The following FGD1 variants were observed in gnomAD, a reference collection of about 807,000 sequenced individuals.
The protein encoded by FGD1 is FYVE, RhoGEF and PH domain-containing protein 1.
FGD1 carries 12 observed loss-of-function variants against 65.0 expected under a neutral mutation model. The ratio of observed to expected loss-of-function variants is 0.18; its 90% CI spans 0.12 to 0.30. The LOEUF (loss-of-function observed/expected upper bound fraction) is 0.30, where lower values mean the gene tolerates loss of function less well. Ranked by LOEUF, FGD1 falls within the 10% of genes least tolerant of loss-of-function variation. The pLI is 1.00. For synonymous variants in FGD1, 333 were observed against 343.9 expected (o/e 0.97, Z 0.35); for missense variants, 542 against 837.6 (o/e 0.65, Z 4.36).
rs746926201 is a variant in FGD1, at chrX:54,456,646, T to C, written c.1637-79A>G. The stretch of plus-strand genomic sequence containing the variant: ...CCGGGGCTTTGTTTTTTGTTTTTTT[T>C]TTTTGAGACGGAGTCTCACTCTGTT... On this transcript the variant is annotated intron_variant, in intron 8 of 17. Coordinates refer to ENST00000375135, the MANE Select transcript of FGD1 (RefSeq NM_004463.3). 18 of 856,879 alleles carry C rather than the reference T, an allele frequency of 2.1e-5. No homozygotes were observed. The Admixed American group carries it at 2.1e-4, about 10-fold the overall frequency. 70.6% of individuals were successfully genotyped at this position (856,879 alleles called of 1,213,427 possible). A position where few individuals can be genotyped will look rare whatever the true frequency, so the allele number is the denominator to read the frequency against.
chrX:54,492,123 C>G (rs761293814), intron 1 of FGD1, among the ~76,000 whole-genome samples: 1 of 111,403 alleles, frequency 9.0e-6, no homozygotes, highest in South Asian at 3.8e-4. Context: ...TGGCATTTCA[C>G]TGGGTTTTCC....
chrX:54,491,712 AT>A (rs1923416424), intron 1 of FGD1, among the ~76,000 whole-genome samples: 2 of 111,971 alleles, frequency 1.8e-5, no homozygotes, highest in Admixed American at 9.5e-5. Context: ...CAACCCCAAG[AT>A]TCTGGCACTC....
At chrX:54,473,986 A>ATAC (rs199998075) in intron 1 of FGD1, among the ~76,000 whole-genome samples, 1 of 107,745 alleles carries the variant, frequency 9.3e-6, no homozygotes, top group African/African-American at 3.4e-5. Flanking sequence ...TCTCAAAAAA[A>ATAC]AAATATATAT....
chrX:54,452,513 C>T (rs1226210362), intron 12 of FGD1, among the ~76,000 whole-genome samples: 6 of 110,170 alleles, frequency 5.4e-5, no homozygotes, highest in African/African-American at 2.0e-4. Flanking sequence ...TTTGGGAGGC[C>T]GAGCCGGGCA....
chrX:54,491,803 C>T (rs1419058282), intron 1 of FGD1, among the ~76,000 whole-genome samples: 6 of 110,978 alleles, frequency 5.4e-5, no homozygotes, highest in South Asian at 7.7e-4. Flanking sequence ...AAACTCAGAA[C>T]GAGGCAGTAT....
At chrX:54,465,945 A>T in intron 6 of FGD1, 93 bp from the exon 7 acceptor site, 2 of 1,009,161 alleles carry the variant, frequency 2.0e-6, no homozygotes, top group Non-Finnish European at 2.8e-6. Flanking sequence ...GATACCTTTC[A>T]TCTCAGTCCT....
intron 1 of FGD1, among the ~76,000 whole-genome samples, chrX:54,478,915 C>T (rs997661458): frequency 8.9e-6 from 1 of 111,834 alleles, no homozygotes; most frequent in Admixed American, 9.5e-5. Flanking sequence ...ACCAGGATAG[C>T]TCTGCAGATC....
intron 12 of FGD1, among the ~76,000 whole-genome samples, chrX:54,451,030 CAG>C (rs1385057052): frequency 9.1e-6 from 1 of 109,836 alleles, no homozygotes; most frequent in African/African-American, 3.3e-5. Flanking sequence ...GCCTGGGTGA[CAG>C]AGTGAGACTC....
intron 12 of FGD1, among the ~76,000 whole-genome samples, chrX:54,454,889 A>G (rs1244434424): frequency 7.1e-5 from 8 of 111,955 alleles, no homozygotes; most frequent in Non-Finnish European, 1.3e-4. Flanking sequence ...CACTGCTGCA[A>G]AACAAGGCCA....
At chrX:54,488,434 A>G (rs1353806317) in intron 1 of FGD1, among the ~76,000 whole-genome samples, 1 of 108,785 alleles carries the variant, frequency 9.2e-6, no homozygotes, top group Non-Finnish European at 1.9e-5. Flanking sequence ...AAATACAAAA[A>G]ATTAGCCAGG....
chrX:54,471,190 T>G (rs1922884741), intron 2 of FGD1, 124 bp downstream of exon 2: 1 of 761,687 alleles, frequency 1.3e-6, no homozygotes, highest in Admixed American at 2.5e-5. Flanking sequence ...TAGGTAGCAC[T>G]GCCCTGGGAG....
intron 1 of FGD1, among the ~76,000 whole-genome samples, chrX:54,473,033 C>T (rs1041071516): frequency 2.7e-5 from 3 of 111,615 alleles, no homozygotes; most frequent in African/African-American, 6.5e-5. Context: ...TGCAGGTAAT[C>T]GCCCTCCTGA....
At chrX:54,484,176 C>T (rs967682299) in intron 1 of FGD1, among the ~76,000 whole-genome samples, 3 of 112,080 alleles carry the variant, frequency 2.7e-5, no homozygotes, top group Non-Finnish European at 5.6e-5. Flanking sequence ...ATGTTGTTCC[C>T]GTGACCCGAA....
At chrX:54,474,243 A>T (rs1000959788) in intron 1 of FGD1, among the ~76,000 whole-genome samples, 15 of 112,179 alleles carry the variant, frequency 1.3e-4, no homozygotes, top group Admixed American at 2.8e-4. Context: ...AAATAGTCAC[A>T]TACAAACTCT....
intron 1 of FGD1, among the ~76,000 whole-genome samples, chrX:54,483,360 AAAGGCAAAGGCG>A (rs1173192743): frequency 4.5e-5 from 5 of 112,329 alleles, no homozygotes; most frequent in African/African-American, 1.3e-4. Context: ...CAGGGAAGGC[AAAGGCAAAGGCG>A]AAGGCAAAGG....
At chrX:54,486,255 T>A (rs1416193971) in intron 1 of FGD1, among the ~76,000 whole-genome samples, 1 of 107,236 alleles carries the variant, frequency 9.3e-6, no homozygotes, top group Non-Finnish European at 1.9e-5. Context: ...CCTGGATGAT[T>A]TTTTTTTTCT....
In FGD1 at chrX:54,445,865, G is replaced by A. The variant is rs1250851336; in HGVS notation, c.*244C>T. The stretch of plus-strand genomic sequence containing the variant: ...ACCTAATTCAGGTAGGACTGGCAAC[G>A]GCTCCCACCCTCCCTGGGGACAGGG... On this transcript the variant is annotated 3_prime_UTR_variant, in exon 18 of 18. Coordinates refer to ENST00000375135, the MANE Select transcript of FGD1 (RefSeq NM_004463.3). The A allele has an allele frequency of 7.9e-6, 3 of 380,784 alleles. No homozygotes were observed. The highest frequency in any genetic ancestry group is 5.3e-5 in the South Asian group (1 of 18,966). 31.4% of individuals were successfully genotyped at this position (380,784 alleles called of 1,213,427 possible).
At chrX:54,459,971 T>TAA (rs142690548) in intron 8 of FGD1, among the ~76,000 whole-genome samples, 6 of 102,862 alleles carry the variant, frequency 5.8e-5, no homozygotes, top group Non-Finnish European at 4.0e-5. Context: ...TACTTTCACT[T>TAA]AAAAAAAAAA....
rs55862175 is a variant in FGD1 at position 54,467,531 on chromosome X, T to A, written c.1340+253A>T. Among the ~76,000 whole-genome samples, 298 of 110,379 alleles carry A rather than the reference T, an allele frequency of 2.7e-3. 1 individual carries two copies. The highest frequency in any genetic ancestry group is 2.8e-3 in the Non-Finnish European group (149 of 52,808). ...CATCACGCCAGGATAATTTTTAATGTTTTTAGTAGAGGCAGGGTTTCGCCA... is the reference window on the plus strand; with the variant it reads ...CATCACGCCAGGATAATTTTTAATGATTTTAGTAGAGGCAGGGTTTCGCCA... On this transcript the variant is annotated intron_variant, in intron 6 of 17. Coordinates refer to ENST00000375135, the MANE Select transcript of FGD1 (RefSeq NM_004463.3).
Sources: gnomAD v4.1 joint callset for allele counts (sites outside exome capture counted in the v4.1 genomes callset) on GRCh38, gnomAD v4.1.1 for gene constraint, MANE v1.5 for transcripts, NCBI Gene and HGNC (gene_info 2026-07-23, HGNC 2026-07-21) for gene names.